The following CLDN10 variants were observed in gnomAD, a reference collection of about 807,000 sequenced individuals.
CLDN10 encodes the protein claudin-10.
Under a neutral mutation model 22.9 loss-of-function variants are expected in CLDN10, and 15 were observed. The observed-to-expected ratio is 0.65, with a 90% confidence interval of 0.44 to 1.01. CLDN10 has a LOEUF of 1.01. CLDN10 is among the 50% of genes least tolerant of loss of function. CLDN10 has a pLI of 0.00. For synonymous variants in CLDN10, 114 were observed against 111.4 expected, an observed-to-expected ratio of 1.02 and a Z score of -0.15; for missense variants, 247 against 287.8, an observed-to-expected ratio of 0.86 and a Z score of 1.03.
At chr13:95,474,552 C>A (rs1285416505) in intron 1 of CLDN10, among the ~76,000 whole-genome samples, 1 of 152,148 alleles carries the variant, frequency 6.6e-6, no homozygotes, top group Non-Finnish European at 1.5e-5. Context: ...AATAGGCCCA[C>A]CTCAGTCAGG....
At chr13:95,518,574 G>A (rs1440712606) in intron 1 of CLDN10, among the ~76,000 whole-genome samples, 6 of 152,108 alleles carry the variant, frequency 3.9e-5, no homozygotes, top group Admixed American at 3.9e-4. Flanking sequence ...TGGCCAACAT[G>A]GTGAAACCCC....
intron 1 of CLDN10, among the ~76,000 whole-genome samples, chr13:95,438,408 G>A (rs1051051319): frequency 1.3e-5 from 2 of 152,148 alleles, no homozygotes; most frequent in Non-Finnish European, 2.9e-5. Context: ...CCCTGCCAAG[G>A]CCTTTTTTTC....
Position 95,466,611 on chromosome 13 carries a change from TG to T in CLDN10, c.214+32565del, listed in dbSNP as rs1400514687. 2.6e-5 allele frequency among the ~76,000 whole-genome samples: 4 copies of T among 151,016 alleles called. No individual in the cohort carries two copies. In the East Asian group the frequency reaches 7.7e-4, roughly 29 times the overall value. ...GAAATCATATAGTTTAGGAAGCAAA[TG>T]AAAAAAAAATCATACAGCTTAGGAG... is the stretch of plus-strand genomic sequence containing the variant. On this transcript the variant is annotated intron_variant, in intron 1 of 4. Coordinates refer to the CLDN10 transcript ENST00000376873.
At chr13:95,484,691 A>T (rs2042784053) in intron 1 of CLDN10, among the ~76,000 whole-genome samples, 1 of 18,978 alleles carries the variant, frequency 5.3e-5, no homozygotes, top group African/African-American at 6.7e-4. Context: ...AAAAATACAA[A>T]AAAAAAAAAA....
intron 1 of CLDN10, among the ~76,000 whole-genome samples, chr13:95,444,550 T>C (rs117943622): frequency 0.012 from 1,779 of 152,304 alleles, 19 homozygotes; most frequent in Middle Eastern, 0.048. Flanking sequence ...TAAATGTTAT[T>C]GGACGGTTAA....
chr13:95,461,697 G>A (rs1184286341), intron 1 of CLDN10, among the ~76,000 whole-genome samples: 1 of 152,186 alleles, frequency 6.6e-6, no homozygotes, highest in Admixed American at 6.5e-5. Context: ...AATTCCTGAT[G>A]ACAGTTCTGC....
chr13:95,459,615 A>ACTGGCCCTGGTCC (rs2042515353), intron 1 of CLDN10, among the ~76,000 whole-genome samples: 8 of 152,202 alleles, frequency 5.3e-5, no homozygotes, highest in Admixed American at 5.2e-4. Context: ...AGACTGGACA[A>ACTGGCCCTGGTCC]AGTAGCAAGA....
intron 1 of CLDN10, among the ~76,000 whole-genome samples, chr13:95,536,551 G>A (rs2043401918): frequency 3.3e-5 from 5 of 152,156 alleles, no homozygotes; most frequent in African/African-American, 1.2e-4. Context: ...GTTTTCTAGA[G>A]AAAATTGGTC....
At chr13:95,451,612 T>C (rs1454060497) in intron 1 of CLDN10, among the ~76,000 whole-genome samples, 3 of 152,226 alleles carry the variant, frequency 2.0e-5, no homozygotes, top group African/African-American at 4.8e-5. Flanking sequence ...TCTTTTCTTG[T>C]GGCTTTGCTA....
At chr13:95,515,627 T>C (rs2138572289) in intron 1 of CLDN10, among the ~76,000 whole-genome samples, 2 of 152,274 alleles carry the variant, frequency 1.3e-5, no homozygotes, top group Admixed American at 1.3e-4. Flanking sequence ...AAGTCTTGGA[T>C]TCACCTCAGA....
At chr13:95,474,586 G>A (rs941606197) in intron 1 of CLDN10, among the ~76,000 whole-genome samples, 5 of 152,218 alleles carry the variant, frequency 3.3e-5, no homozygotes, top group South Asian at 2.1e-4. Context: ...GGTTAGCCAC[G>A]GCTTCTAGCA....
upstream of CLDN10, among the ~76,000 whole-genome samples, chr13:95,548,372 G>A (rs1022837321): frequency 6.6e-6 from 1 of 152,066 alleles, no homozygotes; most frequent in Non-Finnish European, 1.5e-5. Context: ...AAATCCACAA[G>A]GTATATGGCA....
At chr13:95,538,273 C>G (rs540356227) in intron 1 of CLDN10, among the ~76,000 whole-genome samples, 6 of 143,910 alleles carry the variant, frequency 4.2e-5, no homozygotes, top group South Asian at 4.5e-4. Context: ...GTAGCTGGCA[C>G]CTTACAGGCG....
chr13:95,530,162 CA>C (rs748564535), intron 1 of CLDN10, among the ~76,000 whole-genome samples: 28 of 151,524 alleles, frequency 1.8e-4, no homozygotes, highest in Non-Finnish European at 3.8e-4. Flanking sequence ...ATCACTTTGA[CA>C]GGGGGGAAAT....
chr13:95,448,946 C>G (rs1162247247), intron 1 of CLDN10, among the ~76,000 whole-genome samples: 2 of 151,822 alleles, frequency 1.3e-5, no homozygotes, highest in African/African-American at 4.8e-5. Context: ...ACCATGCTGG[C>G]CAGGCTTGTC....
At chr13:95,519,860 C>A (rs549973809) in intron 1 of CLDN10, among the ~76,000 whole-genome samples, 195 of 152,264 alleles carry the variant, frequency 1.3e-3, no homozygotes, top group African/African-American at 4.5e-3. Context: ...GAAAGCTTAA[C>A]AACATAAGAA....
In CLDN10 at chr13:95,579,483, T is replaced by G. The variant is rs1294352771; in HGVS notation, c.*1469T>G. On this transcript the variant is annotated 3_prime_UTR_variant, in exon 5 of 5. Transcript: ENST00000299339. ...AGAAAAAGAAATGAAAACAGAGAGC[T>G]TAAATAATTTGCCACAGTAATGTCG... is the stretch of plus-strand genomic sequence containing the variant. The G allele has an allele frequency of 1.3e-5, 2 of 152,236 alleles. No individual in the cohort carries two copies. The highest frequency in any genetic ancestry group is 2.9e-5 in the Non-Finnish European group (2 of 68,046). The allele number at this position is 152,236 out of a possible 1,614,324, so 9.4% of individuals were successfully genotyped here.
intron 1 of CLDN10, among the ~76,000 whole-genome samples, chr13:95,462,959 TC>T (rs1167814071): frequency 6.6e-6 from 1 of 152,100 alleles, no homozygotes; most frequent in Non-Finnish European, 1.5e-5. Context: ...TATGCCTTGT[TC>T]CCCTAATCAG....
intron 3 of CLDN10, among the ~76,000 whole-genome samples, chr13:95,575,515 TC>T (rs2043912224): frequency 1.3e-5 from 2 of 152,156 alleles, no homozygotes; most frequent in East Asian, 3.9e-4. Flanking sequence ...AATGAAAGTA[TC>T]TTTTCTGAAA....
Sources: allele counts gnomAD v4.1 joint callset (sites outside exome capture counted in the v4.1 genomes callset), GRCh38; gene constraint gnomAD v4.1.1; transcripts MANE v1.5; gene names NCBI Gene and HGNC (gene_info 2026-07-23, HGNC 2026-07-21).